The following SLC6A9 variants were observed in gnomAD, a reference collection of about 807,000 sequenced individuals.
The protein encoded by SLC6A9 is sodium- and chloride-dependent glycine transporter 1.
A neutral mutation model predicts 70.9 loss-of-function variants in SLC6A9; 31 were observed. The observed-to-expected ratio is 0.44, with a 90% CI of 0.33 to 0.59. The LOEUF (loss-of-function observed/expected upper bound fraction) is 0.59. SLC6A9 is among the 20% of genes least tolerant of loss of function. SLC6A9 has a pLI of 0.04. For missense variants in SLC6A9, 631 were observed against 845.2 expected (o/e 0.75, Z 3.14); for synonymous variants, 310 against 341.3 (o/e 0.91, Z 1.01).
intron 5 of SLC6A9, 129 bp downstream of exon 5, chr1:44,008,224 T>G: frequency 1.1e-6 from 1 of 905,292 alleles, no homozygotes; most frequent in Non-Finnish European, 1.8e-6. Flanking sequence ...TTCACTCACC[T>G]CTACCCTCTC....
At position 44,001,587 on chromosome 1, in the gene SLC6A9, C is replaced by T. The variant is rs149105213; in HGVS notation, c.1003G>A (p.Val335Ile). 2,293 of 1,614,152 alleles carry T rather than the reference C, an allele frequency of 1.4e-3. 5 individuals carry two copies. The highest frequency in any genetic ancestry group is 1.9e-3 in the Non-Finnish European group (2,229 of 1,179,988). The change falls in exon 9 of 14, where the codon GTC becomes ATC. Residue 335 changes from valine to isoleucine, a missense_variant. Val to Ile is a conservative substitution (Grantham distance 29). Transcript: ENST00000372310. Reference sequence around the variant, plus strand: ...GAGAAGATGACGAAGCCAGCATAGACGCTGGTGGCACAGTTGGTGATGCTG... The same window carrying T: ...GAGAAGATGACGAAGCCAGCATAGATGCTGGTGGCACAGTTGGTGATGCTG... ...IISITNCATS[V>I]YAGFVIFSIL...
At chr1:44,011,737 G>A (rs1571887483) in intron 2 of SLC6A9, 1 of 1,613,364 alleles carries the variant, frequency 6.2e-7, no homozygotes, top group East Asian at 2.2e-5. Flanking sequence ...AGGGGAGGGG[G>A]CCGAAGGTCA....
intron 5 of SLC6A9, among the ~76,000 whole-genome samples, chr1:44,006,214 C>T (rs2086303880): frequency 2.0e-5 from 3 of 152,110 alleles, no homozygotes; most frequent in Admixed American, 6.5e-5. Context: ...GTTCTCCCAT[C>T]GGACGGCAGC....
chr1:44,017,534 C>T (rs1048660567), intron 2 of SLC6A9, among the ~76,000 whole-genome samples: 6 of 152,318 alleles, frequency 3.9e-5, no homozygotes, highest in East Asian at 1.9e-4. Flanking sequence ...TGATGAGTGA[C>T]GGGGTCTGCC....
At chr1:44,006,847 C>G (rs2086337511) in intron 5 of SLC6A9, among the ~76,000 whole-genome samples, 1 of 152,144 alleles carries the variant, frequency 6.6e-6, no homozygotes, top group Non-Finnish European at 1.5e-5. Context: ...GAGGTTGGCA[C>G]AGGGAAGCTG....
rs2086139714 is a variant in SLC6A9 at position 44,002,261 on chromosome 1, GC to G, written c.962+51del. On this transcript the variant is annotated intron_variant, in intron 8 of 13. Transcript: ENST00000372310. The surrounding 1 kb of genome is among the most constrained non-coding windows in gnomAD (Gnocchi z 5.5). ...ATGGCTGCACTGGAGCTGAGATCAGGCTGCAGAGAGTGCAGGAAGGGGGCAG... is the reference window on the plus strand; with the variant it reads ...ATGGCTGCACTGGAGCTGAGATCAGGTGCAGAGAGTGCAGGAAGGGGGCAG... 1.5e-6 allele frequency: 2 copies of G among 1,303,614 alleles called. No individual in the cohort carries two copies. The highest frequency in any genetic ancestry group is 2.2e-6 in the Non-Finnish European group (2 of 897,114). 80.8% of individuals were successfully genotyped at this position (1,303,614 alleles called of 1,614,324 possible).
chr1:44,021,762 A>G (rs1038381514), intron 2 of SLC6A9, among the ~76,000 whole-genome samples: 5 of 152,234 alleles, frequency 3.3e-5, no homozygotes, highest in African/African-American at 1.2e-4. Flanking sequence ...AAGACACAGA[A>G]GACACAAATG....
chr1:43,999,354 TG>T (rs2086003782), intron 12 of SLC6A9, among the ~76,000 whole-genome samples: 1 of 151,634 alleles, frequency 6.6e-6, no homozygotes, highest in Non-Finnish European at 1.5e-5. Context: ...CCCCGCCCGC[TG>T]TGCCTCAATC....
intron 2 of SLC6A9, among the ~76,000 whole-genome samples, chr1:44,023,293 G>T (rs918271326): frequency 6.6e-6 from 1 of 152,136 alleles, no homozygotes; most frequent in Non-Finnish European, 1.5e-5. Context: ...TCATTTTCTT[G>T]GTTCTTGCTT....
chr1:44,024,448 C>G (rs1434571671), intron 1 of SLC6A9, 86 bp from the exon 2 acceptor site: 1 of 724,556 alleles, frequency 1.4e-6, no homozygotes, highest in Admixed American at 2.2e-5. Flanking sequence ...CCACCCACCA[C>G]CAGCCTGCCC....
intron 2 of SLC6A9, among the ~76,000 whole-genome samples, chr1:44,014,276 C>A (rs1403285920): frequency 1.3e-5 from 2 of 152,186 alleles, no homozygotes; most frequent in Non-Finnish European, 2.9e-5. Flanking sequence ...CCCTTCCTGG[C>A]AGCTCTGAGA....
intron 4 of SLC6A9, 77 bp from the exon 5 acceptor site, chr1:44,008,700 CTTTTCTTTTCT>C: frequency 1.8e-6 from 2 of 1,127,632 alleles, no homozygotes; most frequent in Non-Finnish European, 2.5e-6. Context: ...TCTTTTTTTT[CTTTTCTTTTCT>C]TTTTTTTTTT....
At chr1:44,017,449 C>T in intron 2 of SLC6A9, 2 of 959,492 alleles carry the variant, frequency 2.1e-6, no homozygotes, top group Non-Finnish European at 2.7e-6. Flanking sequence ...TCACTCCCCC[C>T]ACGGAGCTGA....
intron 1 of SLC6A9, chr1:44,030,422 G>T (rs948804672): frequency 5.3e-5 from 8 of 151,520 alleles, no homozygotes; most frequent in Admixed American, 3.9e-4. Context: ...CCACTCTCCC[G>T]CCCGGCCCGG....
At chr1:44,010,632 C>G in intron 3 of SLC6A9, 94 bp downstream of exon 3, 1 of 1,286,700 alleles carries the variant, frequency 7.8e-7, no homozygotes, top group Middle Eastern at 2.0e-4. Flanking sequence ...CAGCCTTTAT[C>G]TGGAGTGGGT....
At chr1:44,005,299 T>C (rs1030452918) in intron 5 of SLC6A9, among the ~76,000 whole-genome samples, 6 of 151,932 alleles carry the variant, frequency 3.9e-5, no homozygotes, top group African/African-American at 9.7e-5. Context: ...GAAGGCAAGA[T>C]TGTGAAGAGG....
At chr1:44,016,956 A>G (rs757679464) in intron 2 of SLC6A9, 127 of 1,337,050 alleles carry the variant, frequency 9.5e-5, no homozygotes, top group Admixed American at 4.6e-4. Context: ...TCCCTGGCAC[A>G]GACCACTCAG....
chr1:43,997,519 T>A lies in SLC6A9; in HGVS notation c.*26A>T, dbSNP rs1557662331. ...CTGCGGTGGGAGCACGGGGTGGGGGTGGGGCCACTCCCCTGGCAGCTGTGC... is the reference window on the plus strand; with the variant it reads ...CTGCGGTGGGAGCACGGGGTGGGGGAGGGGCCACTCCCCTGGCAGCTGTGC... On this transcript the variant is annotated 3_prime_UTR_variant, in exon 14 of 14. Coordinates refer to ENST00000372310, the MANE Select transcript of SLC6A9 (RefSeq NM_001024845.3). The surrounding 1 kb of genome is among the most constrained non-coding windows in gnomAD (Gnocchi z 4.4). 2 of 1,568,598 alleles carry A rather than the reference T, an allele frequency of 1.3e-6. No homozygotes were observed. Among genetic ancestry groups the A allele is most frequent in the Non-Finnish European group, 1.7e-6 (2 of 1,144,326 alleles).
chr1:44,006,726 C>A (rs555932329), intron 5 of SLC6A9, among the ~76,000 whole-genome samples: 36 of 152,156 alleles, frequency 2.4e-4, no homozygotes, highest in Non-Finnish European at 3.7e-4. Flanking sequence ...AACTGAGTGC[C>A]TGAGTCTGCC....
Sources: allele counts gnomAD v4.1 joint callset (sites outside exome capture counted in the v4.1 genomes callset), GRCh38; gene constraint gnomAD v4.1.1; non-coding constraint Gnocchi (gnomAD v3.1); transcripts MANE v1.5; gene names NCBI Gene and HGNC (gene_info 2026-07-23, HGNC 2026-07-21).